The following ATAD2B variants were observed in gnomAD, a reference collection of about 807,000 sequenced individuals.
The protein encoded by ATAD2B is ATPase family AAA domain containing 2B.
In ATAD2B, 40 loss-of-function variants were observed where a neutral mutation model predicts 167.6. The ratio of observed to expected loss-of-function variants is 0.24; its 90% confidence interval spans 0.19 to 0.31. The LOEUF (loss-of-function observed/expected upper bound fraction) is 0.31, where lower values mean the gene tolerates loss of function less well. Ranked by LOEUF, ATAD2B falls within the 10% of genes least tolerant of loss-of-function variation. The pLI, the probability that ATAD2B is intolerant of heterozygous loss-of-function variation, is 1.00. For synonymous variants in ATAD2B, 579 were observed against 596.5 expected, an observed-to-expected ratio of 0.97 and a Z score of 0.43; for missense variants, 1,242 against 1,757.2, an observed-to-expected ratio of 0.71 and a Z score of 5.24.
At chr2:23,918,064 GA>G (rs1703316752) in intron 1 of ATAD2B, among the ~76,000 whole-genome samples, 1 of 151,672 alleles carries the variant, frequency 6.6e-6, no homozygotes, top group African/African-American at 2.4e-5. Context: ...AAGAAAAAAA[GA>G]AAAGAAAGAG....
At chr2:23,789,917 C>A (rs1321170307) in intron 19 of ATAD2B, among the ~76,000 whole-genome samples, 1 of 152,098 alleles carries the variant, frequency 6.6e-6, no homozygotes, top group Non-Finnish European at 1.5e-5. Flanking sequence ...TTTTCCAGCT[C>A]TGAAATTCTA....
the ATAD2B span, among the ~76,000 whole-genome samples, chr2:23,739,307 A>G: frequency 6.6e-6 from 1 of 152,058 alleles, no homozygotes; most frequent in Non-Finnish European, 1.5e-5. Context: ...GAAGTAAAGC[A>G]CTCCTCAGCA....
intron 16 of ATAD2B, among the ~76,000 whole-genome samples, chr2:23,822,871 T>C (rs1226199964): frequency 7.8e-6 from 1 of 127,426 alleles, no homozygotes; most frequent in Non-Finnish European, 1.6e-5. Context: ...AAGCCAAGAC[T>C]GCGCCATTAC....
chr2:23,863,430 C>T lies in ATAD2B; in HGVS notation c.1430G>A (p.Ser477Asn). The T allele has an allele frequency of 1.9e-6, 3 of 1,552,380 alleles. No individual in the cohort carries two copies. The highest frequency in any genetic ancestry group is 2.6e-6 in the Non-Finnish European group (3 of 1,147,138). The change falls in exon 12 of 28, where the codon AGC becomes AAC. Residue 477 changes from serine to asparagine, a missense_variant. Transcript: ENST00000238789. Reference protein sequence around the residue: ...FFMRKGADCLSKWVGESERQL... With the variant: ...FFMRKGADCLNKWVGESERQL... Reference sequence around the variant, plus strand: ...CCTTTCAGATTCACCAACCCACTTGCTCAAACAATCTGCTCCTTTTCGCAT... The same window carrying T: ...CCTTTCAGATTCACCAACCCACTTGTTCAAACAATCTGCTCCTTTTCGCAT...
intron 17 of ATAD2B, among the ~76,000 whole-genome samples, chr2:23,812,762 T>C (rs552150461): frequency 5.1e-4 from 74 of 145,420 alleles, no homozygotes; most frequent in African/African-American, 1.7e-3. Context: ...ACTCAGAAGA[T>C]AGAGGCAGGA....
chr2:23,903,330 A>G (rs554183356), intron 1 of ATAD2B, among the ~76,000 whole-genome samples: 50 of 152,184 alleles, frequency 3.3e-4, no homozygotes, highest in Admixed American at 6.5e-4. Flanking sequence ...ATAATGGGGC[A>G]CATAAAATAC....
At chr2:23,725,209 C>G in the ATAD2B span, among the ~76,000 whole-genome samples, 1 of 152,074 alleles carries the variant, frequency 6.6e-6, no homozygotes, top group African/African-American at 2.4e-5. Context: ...AATTCTAGGT[C>G]TGGTGAACAT....
intron 8 of ATAD2B, among the ~76,000 whole-genome samples, chr2:23,874,989 G>C (rs922187643): frequency 1.1e-4 from 17 of 148,444 alleles, no homozygotes; most frequent in African/African-American, 4.0e-4. Flanking sequence ...CCAGGAGGTG[G>C]AGCTTGCAGC....
intron 12 of ATAD2B, among the ~76,000 whole-genome samples, chr2:23,860,512 A>G (rs991716162): frequency 6.6e-6 from 1 of 152,174 alleles, no homozygotes; most frequent in East Asian, 1.9e-4. Flanking sequence ...AACAAATGAG[A>G]AGTTTTTATC....
intron 1 of ATAD2B, among the ~76,000 whole-genome samples, chr2:23,910,435 C>T (rs1702121383): frequency 6.6e-6 from 1 of 151,372 alleles, no homozygotes; most frequent in African/African-American, 2.4e-5. Flanking sequence ...GCCTAGGCCT[C>T]CCAAAGTGCT....
At position 23,754,730 on chromosome 2, in the gene ATAD2B, C is replaced by T; in HGVS notation, c.4123G>A (p.Ala1375Thr). The T allele has an allele frequency of 1.2e-6, 2 of 1,612,832 alleles. No individual in the cohort carries two copies. Among genetic ancestry groups the T allele is most frequent in the Non-Finnish European group, 1.7e-6 (2 of 1,179,178 alleles). ...ACCAGTTCCAGGCTTGTCGTTTTTG[C>T]CTGCTCTAAAATTAATTTACGGTAT... ...KKYRKLILEQAKTTSLELVPE... is the reference protein window; with the variant it reads ...KKYRKLILEQTKTTSLELVPE... Residue 1375 changes from alanine (A) to threonine (T), a missense_variant, in exon 26 of 28, where the codon GCA (alanine) becomes ACA (threonine). Physicochemically the swap from Ala to Thr is moderately conservative, Grantham distance 58. This residue lies in a region of ATAD2B where 282 missense variants were observed against 346.8 expected (regional missense o/e 0.81). Coordinates refer to ENST00000238789, the MANE Select transcript of ATAD2B (RefSeq NM_017552.4).
chr2:23,742,572 G>T, the ATAD2B span, among the ~76,000 whole-genome samples: 1 of 110,956 alleles, frequency 9.0e-6, no homozygotes, highest in African/African-American at 3.5e-5. Flanking sequence ...GGGGAGGGGG[G>T]AGGGATAGCA....
chr2:23,733,615 C>A, the ATAD2B span, among the ~76,000 whole-genome samples: 2 of 152,326 alleles, frequency 1.3e-5, no homozygotes, highest in South Asian at 4.1e-4. Context: ...ATGTCCAATA[C>A]TGTGTTCACT....
At chr2:23,789,941 C>T (rs1321963949) in intron 19 of ATAD2B, among the ~76,000 whole-genome samples, 1 of 152,016 alleles carries the variant, frequency 6.6e-6, no homozygotes, top group East Asian at 1.9e-4. Flanking sequence ...GAAGAAGAAA[C>T]AATGAAAGGT....
chr2:23,794,510 G>A (rs1322051635), intron 19 of ATAD2B, among the ~76,000 whole-genome samples: 1 of 152,120 alleles, frequency 6.6e-6, no homozygotes, highest in Non-Finnish European at 1.5e-5. Flanking sequence ...CTCCTCAGGG[G>A]TCCTTGGACC....
chr2:23,775,234 G>C (rs1371183570), intron 22 of ATAD2B, among the ~76,000 whole-genome samples: 1 of 109,778 alleles, frequency 9.1e-6, no homozygotes, highest in Non-Finnish European at 1.9e-5. Flanking sequence ...TTTTTTTTTT[G>C]AGACGTTGTC....
chr2:23,721,286 C>A, the ATAD2B span, among the ~76,000 whole-genome samples: 1 of 152,256 alleles, frequency 6.6e-6, no homozygotes, highest in African/African-American at 2.4e-5. Context: ...GGCCCTATGC[C>A]CACAATCAGA....
intron 12 of ATAD2B, among the ~76,000 whole-genome samples, chr2:23,858,222 C>G (rs6742839): frequency 0.73 from 110,940 of 151,672 alleles, 40,945 homozygotes; most frequent in East Asian, 0.85. Flanking sequence ...CCGGGTTCAA[C>G]TGATTCTCCT....
chr2:23,691,747 C>T, the ATAD2B span: 2 of 1,551,792 alleles, frequency 1.3e-6, no homozygotes, highest in Non-Finnish European at 8.7e-7. Context: ...GGCAGACGTC[C>T]TGGAGTTGCT....
Sources: gnomAD v4.1 joint callset for allele counts (sites outside exome capture counted in the v4.1 genomes callset) on GRCh38, gnomAD v4.1.1 for gene constraint, gnomAD v4.1.1 regional missense constraint, MANE v1.5 for transcripts, NCBI Gene and HGNC (gene_info 2026-07-23, HGNC 2026-07-21) for gene names.